The following MYO10 variants were observed in gnomAD, a reference collection of about 807,000 sequenced individuals.
MYO10 encodes myosin X.
MYO10 carries 133 observed loss-of-function variants against 257.3 expected under a neutral mutation model. The observed-to-expected ratio is 0.52, with a 90% CI of 0.45 to 0.60. MYO10 has a LOEUF of 0.60. MYO10 is among the 20% of genes least tolerant of loss of function. The pLI, the probability that MYO10 is intolerant of heterozygous loss-of-function variation, is 0.00. For missense variants in MYO10, 2,399 were observed against 2,635.7 expected, an observed-to-expected ratio of 0.91 and a Z score of 1.97; for synonymous variants, 1,104 against 1,028.6, an observed-to-expected ratio of 1.07 and a Z score of -1.40.
chr5:16,767,259 G>A (rs183270728), intron 10 of MYO10, among the ~76,000 whole-genome samples: 14 of 144,402 alleles, frequency 9.7e-5, no homozygotes, highest in Non-Finnish European at 1.5e-4. Context: ...CAACCTCCGC[G>A]TCCTGGGTTC....
At chr5:16,730,582 G>T (rs181772168) in intron 19 of MYO10, among the ~76,000 whole-genome samples, 6 of 152,346 alleles carry the variant, frequency 3.9e-5, no homozygotes, top group South Asian at 2.1e-4. Context: ...GAGGTCAACA[G>T]GGGCAGCATC....
Position 16,840,444 on chromosome 5 carries a change from T to TGAAA in MYO10, c.121-22281_121-22278dup, listed in dbSNP as rs1554001762. On this transcript the variant is annotated intron_variant, in intron 2 of 40. Transcript: ENST00000513610. The stretch of plus-strand genomic sequence containing the variant: ...ATGAATGAATGAATGAATGAATGAA[T>TGAAA]GAAAGAAAGAAACAGAAGAGCTTAA... Among the ~76,000 whole-genome samples, 526 of 100,946 alleles carry TGAAA rather than the reference T, an allele frequency of 5.2e-3. 2 individuals are homozygous for TGAAA. Among genetic ancestry groups the TGAAA allele is most frequent in the African/African-American group, 0.014 (356 of 25,952 alleles). The allele number at this position is 100,946 out of a possible 152,430, so 66.2% of individuals were successfully genotyped here. A position where few individuals can be genotyped will look rare whatever the true frequency, so the allele number is the denominator to read the frequency against.
chr5:16,845,987 T>A (rs1191607410), intron 2 of MYO10, among the ~76,000 whole-genome samples: 5 of 151,482 alleles, frequency 3.3e-5, no homozygotes, highest in Non-Finnish European at 7.4e-5. Context: ...AGGAAAAGAA[T>A]GGCAAGAGTT....
At chr5:16,875,200 C>T (rs73754022) in intron 2 of MYO10, among the ~76,000 whole-genome samples, 7,174 of 150,312 alleles carry the variant, frequency 0.048, 482 homozygotes, top group African/African-American at 0.16. Context: ...TATTTTACAA[C>T]GCTTTCAGGA....
intron 2 of MYO10, among the ~76,000 whole-genome samples, chr5:16,874,023 T>C (rs1744521757): frequency 6.6e-6 from 1 of 152,138 alleles, no homozygotes; most frequent in South Asian, 2.1e-4. Context: ...TGCAGCCAGC[T>C]TGAATTTCTC....
chr5:16,673,214 C>T (rs1448422020), intron 36 of MYO10, among the ~76,000 whole-genome samples: 1 of 150,494 alleles, frequency 6.6e-6, no homozygotes, highest in African/African-American at 2.5e-5. Flanking sequence ...CCATAAGAAG[C>T]CTTGGGGGGT....
At chr5:16,837,512 C>T (rs1433499665) in intron 2 of MYO10, among the ~76,000 whole-genome samples, 4 of 152,094 alleles carry the variant, frequency 2.6e-5, no homozygotes, top group Non-Finnish European at 5.9e-5. Flanking sequence ...ACAAGGTTTT[C>T]TTTCGGGGTG....
intron 1 of MYO10, among the ~76,000 whole-genome samples, chr5:16,885,721 T>C (rs575162682): frequency 4.5e-4 from 68 of 151,170 alleles, no homozygotes; most frequent in African/African-American, 1.6e-3. Flanking sequence ...GGTGGCATCA[T>C]CACAGGTATA....
chr5:16,800,163 G>A (rs1431230444), intron 3 of MYO10, among the ~76,000 whole-genome samples: 2 of 152,082 alleles, frequency 1.3e-5, no homozygotes, highest in Admixed American at 6.5e-5. Context: ...ATTGATCTTT[G>A]TATCTGACTC....
Position 16,770,326 on chromosome 5 carries a change from T to C in MYO10, c.931-1123A>G, listed in dbSNP as rs1741008868. 2.0e-5 allele frequency among the ~76,000 whole-genome samples: 3 copies of C among 152,222 alleles called. No individual in the cohort carries two copies. In the South Asian group the frequency reaches 6.2e-4, roughly 32 times the overall value. ...TCCTTAGGCACTCATCACATCTCTA[T>C]TTTTAATTTCTCCAAAGGATTTTTT... On this transcript the variant is annotated intron_variant, in intron 9 of 40. Coordinates refer to ENST00000513610, the MANE Select transcript of MYO10 (RefSeq NM_012334.3).
chr5:16,777,207 C>A (rs1016427838), intron 9 of MYO10, among the ~76,000 whole-genome samples: 1 of 152,136 alleles, frequency 6.6e-6, no homozygotes. Context: ...CAGGCAGATG[C>A]CAAAAGGTGC....
intron 1 of MYO10, among the ~76,000 whole-genome samples, chr5:16,914,619 G>A (rs1745765085): frequency 6.6e-6 from 1 of 152,178 alleles, no homozygotes; most frequent in Non-Finnish European, 1.5e-5. Flanking sequence ...ATTTAAGGGA[G>A]TCCTAGACAA....
At chr5:16,924,413 T>C (rs1320784459) in intron 1 of MYO10, among the ~76,000 whole-genome samples, 4 of 152,174 alleles carry the variant, frequency 2.6e-5, no homozygotes, top group Non-Finnish European at 4.4e-5. Flanking sequence ...AAATACATCA[T>C]GACAGGGTCT....
At chr5:16,680,204 A>C in intron 32 of MYO10, 100 bp from the exon 33 acceptor site, 1 of 1,362,562 alleles carries the variant, frequency 7.3e-7, no homozygotes, top group Non-Finnish European at 9.9e-7. Flanking sequence ...TTAATTATTC[A>C]ATTCAATAGA....
chr5:16,810,984 G>C (rs1742419525), intron 3 of MYO10, among the ~76,000 whole-genome samples: 1 of 149,086 alleles, frequency 6.7e-6, no homozygotes, highest in Non-Finnish European at 1.5e-5. Context: ...CAGAAGAATT[G>C]CTTGAACCCA....
chr5:16,784,868 T>G (rs1170687227), intron 4 of MYO10, among the ~76,000 whole-genome samples: 1 of 152,078 alleles, frequency 6.6e-6, no homozygotes, highest in Non-Finnish European at 1.5e-5. Context: ...GTCCCAGGGA[T>G]CTCCACTGGT....
intron 2 of MYO10, among the ~76,000 whole-genome samples, chr5:16,837,253 T>C (rs754365848): frequency 6.6e-6 from 1 of 151,998 alleles, no homozygotes; most frequent in Non-Finnish European, 1.5e-5. Context: ...CAGGTTGCGG[T>C]GAGCCAAGAT....
At chr5:16,745,302 A>G (rs1436237022) in intron 19 of MYO10, among the ~76,000 whole-genome samples, 1 of 152,216 alleles carries the variant, frequency 6.6e-6, no homozygotes, top group East Asian at 1.9e-4. Context: ...AGATCGTGCC[A>G]CTGCACTCCA....
intron 19 of MYO10, among the ~76,000 whole-genome samples, chr5:16,733,367 A>T (rs1288566642): frequency 6.6e-6 from 1 of 152,214 alleles, no homozygotes; most frequent in African/African-American, 2.4e-5. Flanking sequence ...TTAAAAACAT[A>T]GCTAAGAAAA....
Sources: allele counts gnomAD v4.1 joint callset (sites outside exome capture counted in the v4.1 genomes callset), GRCh38; gene constraint gnomAD v4.1.1; transcripts MANE v1.5; gene names NCBI Gene and HGNC (gene_info 2026-07-23, HGNC 2026-07-21).